PPAT: variants seen among roughly 807,000 people sequenced by gnomAD.
The protein encoded by PPAT is amidophosphoribosyltransferase.
A neutral mutation model predicts 60.2 loss-of-function variants in PPAT; 20 were observed. The ratio of observed to expected loss-of-function variants is 0.33; its 90% CI spans 0.23 to 0.48. PPAT has a LOEUF of 0.48. PPAT is among the 20% of genes least tolerant of loss of function. PPAT has a pLI of 0.99. For missense variants in PPAT, 349 were observed against 629.6 expected (o/e 0.55, Z 4.77); for synonymous variants, 194 against 215.1 (o/e 0.90, Z 0.86).
Position 56,401,452 on chromosome 4 carries a change from A to G in PPAT, c.764T>C (p.Ile255Thr). 6.2e-7 allele frequency: 1 copy of G among 1,604,796 alleles called. No homozygotes were observed. The highest frequency in any genetic ancestry group is 8.5e-7 in the Non-Finnish European group (1 of 1,174,818). ...GACATTGTGTCTGGATATTTCCACA[A>G]TTTCTCCAGGCAAGACTTCACGGTA... is the stretch of plus-strand genomic sequence containing the variant. The part of the protein sequence containing the change: ...RYYREVLPGE[I>T]VEISRHNVQT... Residue 255 changes from isoleucine to threonine, a missense_variant, in exon 7 of 11, where the codon ATT becomes ACT. Physicochemically the swap from Ile to Thr is moderately conservative, Grantham distance 89. Around this residue, in one of 5 missense-constraint regions of PPAT, gnomAD observed 167 missense variants for 328.6 expected, o/e 0.51. Coordinates refer to ENST00000264220, the MANE Select transcript of PPAT (RefSeq NM_002703.5).
At chr4:56,433,703 T>TTC (rs1553940607) in intron 1 of PPAT, among the ~76,000 whole-genome samples, 8 of 144,234 alleles carry the variant, frequency 5.5e-5, no homozygotes, top group Admixed American at 5.3e-4. Flanking sequence ...ACAACTGTTT[T>TTC]TTTTTTTTTG....
intron 1 of PPAT, among the ~76,000 whole-genome samples, chr4:56,415,614 A>G (rs1019851739): frequency 6.6e-6 from 1 of 152,232 alleles, no homozygotes; most frequent in African/African-American, 2.4e-5. Context: ...AATAAATTAT[A>G]TAAGATACTT....
chr4:56,433,635 A>T (rs985997175), intron 1 of PPAT, among the ~76,000 whole-genome samples: 1 of 152,150 alleles, frequency 6.6e-6, no homozygotes, highest in Non-Finnish European at 1.5e-5. Flanking sequence ...ACAGACCACC[A>T]GGCAACCCTA....
At chr4:56,408,911 C>T (rs1341478972) in intron 1 of PPAT, among the ~76,000 whole-genome samples, 1 of 152,134 alleles carries the variant, frequency 6.6e-6, no homozygotes, top group Admixed American at 6.5e-5. Context: ...TAACTGGGCG[C>T]GCTAACCTTG....
rs1715929808 is a variant in PPAT at position 56,394,989 on chromosome 4, A to G, written c.*363T>C. The G allele has an allele frequency of 1.0e-5, 2 of 198,442 alleles. No individual in the cohort carries two copies. The highest frequency in any genetic ancestry group is 1.9e-4 in the South Asian group (2 of 10,498). The allele number at this position is 198,442 out of a possible 1,614,324, so 12.3% of individuals were successfully genotyped here. A position where few individuals can be genotyped will look rare whatever the true frequency, so the allele number is the denominator to read the frequency against. Reference sequence around the variant, plus strand: ...CTATTCAAACTTTGTGTGAAATGGTATATTTAACTCACCTGTCTTGTTGGC... The same window carrying G: ...CTATTCAAACTTTGTGTGAAATGGTGTATTTAACTCACCTGTCTTGTTGGC... On this transcript the variant is annotated 3_prime_UTR_variant, in exon 11 of 11. Coordinates refer to ENST00000264220, the MANE Select transcript of PPAT (RefSeq NM_002703.5).
intron 1 of PPAT, among the ~76,000 whole-genome samples, chr4:56,426,205 A>C (rs1357523178): frequency 6.6e-6 from 1 of 152,174 alleles, no homozygotes; most frequent in Non-Finnish European, 1.5e-5. Flanking sequence ...GATCAAGACC[A>C]TCCTGGCCAA....
chr4:56,422,595 T>G (rs1307110077), intron 1 of PPAT: 2 of 151,852 alleles, frequency 1.3e-5, no homozygotes, highest in Admixed American at 1.3e-4. Flanking sequence ...TATTCATATA[T>G]TGAAGCCTTA....
chr4:56,417,862 G>GA (rs1716847879), intron 1 of PPAT, among the ~76,000 whole-genome samples: 1 of 132,318 alleles, frequency 7.6e-6, no homozygotes, highest in Non-Finnish European at 1.6e-5. Context: ...TTTTTTTTGA[G>GA]ACAGAGTATT....
chr4:56,431,747 A>T (rs1334780604), intron 1 of PPAT, among the ~76,000 whole-genome samples: 3 of 152,240 alleles, frequency 2.0e-5, no homozygotes, highest in Non-Finnish European at 1.5e-5. Context: ...TGTCCAGGCC[A>T]TTCTAGTCTC....
chr4:56,412,762 C>A (rs1716525417), intron 1 of PPAT, among the ~76,000 whole-genome samples: 1 of 152,152 alleles, frequency 6.6e-6, no homozygotes, highest in Non-Finnish European at 1.5e-5. Flanking sequence ...TTATGACTAA[C>A]CAGAACTTCA....
At position 56,394,351 on chromosome 4, in the gene PPAT, T is replaced by C. The variant is rs1715909338; in HGVS notation, c.*1001A>G. 1 of 152,194 alleles carries C rather than the reference T, an allele frequency of 6.6e-6. No individual in the cohort carries two copies. Among genetic ancestry groups the C allele is most frequent in the African/African-American group, 2.4e-5 (1 of 41,444 alleles). 9.4% of individuals were successfully genotyped at this position (152,194 alleles called of 1,614,324 possible). On this transcript the variant is annotated 3_prime_UTR_variant, in exon 11 of 11. Coordinates refer to ENST00000264220, the MANE Select transcript of PPAT (RefSeq NM_002703.5). ...GATCACTTAATTGCAATAATATTTA[T>C]GTGTATGTGTACATGTATATGTACA...
intron 1 of PPAT, chr4:56,416,377 TA>T: frequency 1.1e-6 from 1 of 896,926 alleles, no homozygotes; most frequent in Non-Finnish European, 1.3e-6. Context: ...CATCAGTAGA[TA>T]AGGAAGATGT....
intron 1 of PPAT, chr4:56,410,704 C>CA (rs1373153695): frequency 1.3e-5 from 13 of 986,064 alleles, no homozygotes; most frequent in Non-Finnish European, 1.4e-5. Context: ...GGGCTAAGTA[C>CA]AAAAATCTCA....
rs1464574344 is a variant in PPAT at position 56,401,383 on chromosome 4, G to A, written c.833C>T (p.Ala278Val). 1.2e-6 allele frequency: 2 copies of A among 1,607,498 alleles called. No individual in the cohort carries two copies. The highest frequency in any genetic ancestry group is 1.7e-6 in the Non-Finnish European group (2 of 1,177,420). Residue 278 changes from alanine (A) to valine (V), a missense_variant, in exon 7 of 11, where the codon GCT (alanine) becomes GTT (valine). Physicochemically the swap from Ala to Val is moderately conservative, Grantham distance 64. Coordinates refer to ENST00000264220, the MANE Select transcript of PPAT (RefSeq NM_002703.5). ...IISRSEGNPV[A>V]FCIFEYVYFA... ...ATAAACATATTCAAAGATACAAAAA[G>A]CCACTGGGTTTCCTTCAGACCTTGA... is the stretch of plus-strand genomic sequence containing the variant.
At chr4:56,410,882 C>G (rs1198633555) in intron 1 of PPAT, 12 of 932,798 alleles carry the variant, frequency 1.3e-5, no homozygotes, top group Admixed American at 8.6e-5. Flanking sequence ...AAGTACAGCC[C>G]CAGAGACCAC....
At chr4:56,401,552 A>G (rs1299993814) in intron 6 of PPAT, 71 bp from the exon 7 acceptor site, 18 of 1,335,644 alleles carry the variant, frequency 1.3e-5, no homozygotes, top group Non-Finnish European at 1.6e-5. Flanking sequence ...AATATTAATT[A>G]TAAAGCACAC....
chr4:56,403,106 C>A lies in PPAT; in HGVS notation c.595G>T (p.Asp199Tyr). The A allele has an allele frequency of 6.2e-7, 1 of 1,612,124 alleles. No homozygotes were observed. The highest frequency in any genetic ancestry group is 8.5e-7 in the Non-Finnish European group (1 of 1,178,334). The change falls in exon 5 of 11, where the codon GAT becomes TAT. Residue 199 changes from aspartate (D) to tyrosine (Y), a missense_variant. Asp to Tyr is a radical substitution (Grantham distance 160). Around this residue, in one of 5 missense-constraint regions of PPAT, gnomAD observed 63 missense variants for 86.9 expected, o/e 0.73. Transcript: ENST00000264220. ...CATAAGGGACGATTTCCATAAGGAT[C>A]TCGTACTGCATAAATAACATCTCTG... ...MHRDVIYAVRDPYGNRPLCIG... is the reference protein window; with the variant it reads ...MHRDVIYAVRYPYGNRPLCIG...
rs1716280525 is a variant in PPAT, at chr4:56,407,691, T to C, written c.154A>G (p.Thr52Ala). The C allele has an allele frequency of 6.2e-7, 1 of 1,605,848 alleles. No individual in the cohort carries two copies. The highest frequency in any genetic ancestry group is 1.7e-5 in the Admixed American group (1 of 60,002). The change falls in exon 2 of 11, where the codon ACT becomes GCT. Residue 52 changes from threonine to alanine, a missense_variant. Around this residue, in one of 5 missense-constraint regions of PPAT, gnomAD observed 115 missense variants for 174.5 expected, o/e 0.66. Coordinates refer to ENST00000264220, the MANE Select transcript of PPAT (RefSeq NM_002703.5). Reference sequence around the variant, plus strand: ...GTTGGCACCGAACTCCCATCACTAGTCACAATACCAGCACTCTCCTGACCC... The same window carrying C: ...GTTGGCACCGAACTCCCATCACTAGCCACAATACCAGCACTCTCCTGACCC... ...HRGQESAGIV[T>A]SDGSSVPTFK...
In PPAT at chr4:56,399,411, A is replaced by G. The variant is rs1323660972; in HGVS notation, c.1015-11T>C. 6 of 1,593,944 alleles carry G rather than the reference A, an allele frequency of 3.8e-6. No homozygotes were observed. In the African/African-American group the frequency reaches 8.1e-5, roughly 21 times the overall value. ...ATATGGAAGTCCACACTGATAGAGAAGAAATGAAAGGATAATGAGGAGTAA... is the reference window on the plus strand; with the variant it reads ...ATATGGAAGTCCACACTGATAGAGAGGAAATGAAAGGATAATGAGGAGTAA... On this transcript the variant is annotated splice_polypyrimidine_tract_variant and intron_variant, in intron 8 of 10. Coordinates refer to ENST00000264220, the MANE Select transcript of PPAT (RefSeq NM_002703.5).
Sources: gnomAD v4.1 joint callset for allele counts (sites outside exome capture counted in the v4.1 genomes callset) on GRCh38, gnomAD v4.1.1 for gene constraint, gnomAD v4.1.1 regional missense constraint, MANE v1.5 for transcripts, NCBI Gene and HGNC (gene_info 2026-07-23, HGNC 2026-07-21) for gene names.